The following AGMO variants were observed in gnomAD, a reference collection of about 807,000 sequenced individuals.
The protein encoded by AGMO is glyceryl-ether monooxygenase.
In AGMO, 75 loss-of-function variants were observed where a neutral mutation model predicts 60.2. The observed-to-expected ratio is 1.25, with a 90% CI of 1.03 to 1.51. The LOEUF (loss-of-function observed/expected upper bound fraction) is 1.51. AGMO is among the 40% of genes most tolerant of loss of function. The pLI, the probability that AGMO is intolerant of heterozygous loss-of-function variation, is 0.00. For missense variants in AGMO, 763 were observed against 525.5 expected, an observed-to-expected ratio of 1.45 and a Z score of -4.42; for synonymous variants, 261 against 177.1, an observed-to-expected ratio of 1.47 and a Z score of -3.76.
At chr7:15,375,408 T>G (rs1783410067) in intron 10 of AGMO, among the ~76,000 whole-genome samples, 1 of 110,056 alleles carries the variant, frequency 9.1e-6, no homozygotes, top group African/African-American at 3.3e-5. Context: ...TTTTTTTTTT[T>G]TTTTTGAGAC....
In AGMO at chr7:15,407,718, A is replaced by G. The variant is rs117943044; in HGVS notation, c.609+10840T>C. On this transcript the variant is annotated intron_variant, in intron 5 of 12. Coordinates refer to ENST00000342526, the MANE Select transcript of AGMO (RefSeq NM_001004320.2). ...TGCTTATTAAAATTTATGTGTGTGT[A>G]TATTTGTATGTTTAAAATGTTTACA... Among the ~76,000 whole-genome samples, 649 of 151,988 alleles carry G rather than the reference A, an allele frequency of 4.3e-3. 4 individuals are homozygous for G. Among genetic ancestry groups the G allele is most frequent in the Non-Finnish European group, 5.8e-3 (391 of 67,858 alleles).
intron 5 of AGMO, among the ~76,000 whole-genome samples, chr7:15,397,434 GC>G (rs1281169303): frequency 1.3e-5 from 2 of 152,084 alleles, no homozygotes; most frequent in East Asian, 3.9e-4. Flanking sequence ...GCCTCGGCCA[GC>G]CCCACAGAGG....
chr7:15,193,974 T>C, the AGMO span, among the ~76,000 whole-genome samples: 5 of 152,198 alleles, frequency 3.3e-5, no homozygotes, highest in African/African-American at 1.2e-4. Context: ...CTAAATACTA[T>C]TATTTTTATG....
At chr7:15,257,090 T>G (rs1224284601) in intron 12 of AGMO, among the ~76,000 whole-genome samples, 1 of 152,176 alleles carries the variant, frequency 6.6e-6, no homozygotes, top group Non-Finnish European at 1.5e-5. Context: ...TTGGCATATG[T>G]TTTTGTATGC....
At chr7:15,127,768 G>A in the AGMO span, among the ~76,000 whole-genome samples, 1 of 151,994 alleles carries the variant, frequency 6.6e-6, no homozygotes, top group African/African-American at 2.4e-5. Flanking sequence ...CATGTTCATT[G>A]TTCTATAAAG....
chr7:15,544,714 A>T, intron 3 of AGMO, 58 bp downstream of exon 3: 4 of 1,349,780 alleles, frequency 3.0e-6, no homozygotes, highest in Non-Finnish European at 3.9e-6. Context: ...CTGAATATGT[A>T]CTATGTACCA....
At chr7:15,150,690 T>C in the AGMO span, among the ~76,000 whole-genome samples, 1 of 152,146 alleles carries the variant, frequency 6.6e-6, no homozygotes, top group East Asian at 1.9e-4. Flanking sequence ...AATGTACAGC[T>C]GGATTTGATT....
intron 12 of AGMO, among the ~76,000 whole-genome samples, chr7:15,359,465 T>A (rs1182552399): frequency 3.3e-5 from 5 of 152,176 alleles, no homozygotes; most frequent in African/African-American, 1.2e-4. Context: ...TTTTTTAAAA[T>A]GAAATACCTT....
chr7:15,129,989 A>G, the AGMO span, among the ~76,000 whole-genome samples: 1 of 152,114 alleles, frequency 6.6e-6, no homozygotes, highest in Non-Finnish European at 1.5e-5. Context: ...GAAAGCCTGT[A>G]TTGTATAAGA....
At chr7:15,355,660 A>G (rs1304734478) in intron 12 of AGMO, among the ~76,000 whole-genome samples, 1 of 152,174 alleles carries the variant, frequency 6.6e-6, no homozygotes, top group Non-Finnish European at 1.5e-5. Context: ...GTAGCTGGAT[A>G]TATCAGCACT....
chr7:15,410,931 C>T (rs910456166), intron 5 of AGMO, among the ~76,000 whole-genome samples: 1 of 151,816 alleles, frequency 6.6e-6, no homozygotes, highest in Non-Finnish European at 1.5e-5. Context: ...AATGTATACC[C>T]TATGGTTGAA....
At chr7:15,159,786 A>T in the AGMO span, among the ~76,000 whole-genome samples, 4 of 152,056 alleles carry the variant, frequency 2.6e-5, no homozygotes, top group African/African-American at 4.8e-5. Context: ...TATAAATAAG[A>T]TTTTCTACAT....
chr7:15,363,409 A>G (rs929852498), intron 12 of AGMO, among the ~76,000 whole-genome samples: 1 of 152,166 alleles, frequency 6.6e-6, no homozygotes, highest in Non-Finnish European at 1.5e-5. Context: ...TTCCTTACAC[A>G]TATTCTCTTA....
At chr7:15,280,589 C>T (rs976915522) in intron 12 of AGMO, among the ~76,000 whole-genome samples, 2 of 152,208 alleles carry the variant, frequency 1.3e-5, no homozygotes, top group African/African-American at 4.8e-5. Flanking sequence ...TCCAGAATAC[C>T]TCTCCTGGGT....
the AGMO span, among the ~76,000 whole-genome samples, chr7:15,154,202 T>A: frequency 1.3e-5 from 2 of 152,182 alleles, no homozygotes; most frequent in Non-Finnish European, 2.9e-5. Context: ...AAAATTAATG[T>A]ACACAAATTA....
At chr7:15,426,364 C>G (rs1781060860) in intron 4 of AGMO, among the ~76,000 whole-genome samples, 1 of 151,952 alleles carries the variant, frequency 6.6e-6, no homozygotes, top group Non-Finnish European at 1.5e-5. Context: ...GTTTATAGGC[C>G]AACATAAATA....
intron 6 of AGMO, 78 bp from the exon 7 acceptor site, chr7:15,390,983 A>T: frequency 1.2e-6 from 1 of 856,380 alleles, no homozygotes; most frequent in Non-Finnish European, 1.8e-6. Context: ...TGTTTTTTAG[A>T]ATATATTCAT....
At chr7:15,443,267 T>C (rs989546929) in intron 3 of AGMO, among the ~76,000 whole-genome samples, 1 of 152,198 alleles carries the variant, frequency 6.6e-6, no homozygotes, top group Non-Finnish European at 1.5e-5. Context: ...ACATGCCCAC[T>C]GCGGCCTCAG....
At chr7:15,452,338 T>C (rs1164122664) in intron 3 of AGMO, among the ~76,000 whole-genome samples, 2 of 152,106 alleles carry the variant, frequency 1.3e-5, no homozygotes, top group Non-Finnish European at 2.9e-5. Flanking sequence ...ATAAAATATC[T>C]GATAAAGGTC....
Sources: allele counts gnomAD v4.1 joint callset (sites outside exome capture counted in the v4.1 genomes callset), GRCh38; gene constraint gnomAD v4.1.1; transcripts MANE v1.5; gene names NCBI Gene and HGNC (gene_info 2026-07-23, HGNC 2026-07-21).